SLC16A10: variants seen among roughly 807,000 people sequenced by gnomAD.
SLC16A10 encodes the protein monocarboxylate transporter 10.
A neutral mutation model predicts 40.0 loss-of-function variants in SLC16A10; 27 were observed. The ratio of observed to expected loss-of-function variants is 0.67; its 90% CI spans 0.50 to 0.93. The LOEUF is 0.93. Among genes scored for constraint, SLC16A10 ranks in the 40% least tolerant of loss-of-function variants. The probability of loss-of-function intolerance (pLI) is 0.00; values close to 1 mark genes in which losing one functional copy is unlikely to be tolerated. For synonymous variants in SLC16A10, 213 were observed against 249.8 expected, an observed-to-expected ratio of 0.85 and a Z score of 1.39; for missense variants, 529 against 658.2, an observed-to-expected ratio of 0.80 and a Z score of 2.15.
At chr6:111,161,147 T>C (rs1407897797) in intron 1 of SLC16A10, among the ~76,000 whole-genome samples, 1 of 125,858 alleles carries the variant, frequency 7.9e-6, no homozygotes, top group Non-Finnish European at 1.6e-5. Flanking sequence ...TGCTGGAACC[T>C]GGGAGGCAGA....
intron 1 of SLC16A10, among the ~76,000 whole-genome samples, chr6:111,117,147 G>A (rs1319596247): frequency 2.6e-5 from 4 of 151,826 alleles, no homozygotes; most frequent in Admixed American, 6.6e-5. Context: ...TCAGGAGATC[G>A]AGACCATCCT....
chr6:111,221,023 A>G (rs1473128765), intron 5 of SLC16A10, among the ~76,000 whole-genome samples: 2 of 152,072 alleles, frequency 1.3e-5, no homozygotes, highest in Non-Finnish European at 2.9e-5. Flanking sequence ...TGCAGAATGG[A>G]TGTACACATT....
intron 3 of SLC16A10, among the ~76,000 whole-genome samples, chr6:111,185,058 G>A (rs1465192348): frequency 6.6e-6 from 1 of 152,156 alleles, no homozygotes; most frequent in Non-Finnish European, 1.5e-5. Flanking sequence ...TTCCTCAGAG[G>A]GAGATTCATG....
chr6:111,088,153 CAT>C, intron 1 of SLC16A10, 58 bp downstream of exon 1: 1 of 1,536,722 alleles, frequency 6.5e-7, no homozygotes, highest in Non-Finnish European at 8.8e-7. Flanking sequence ...CCCCCGAGCG[CAT>C]CCCGCGTGTG....
At chr6:111,145,057 T>G (rs1026141028) in intron 1 of SLC16A10, among the ~76,000 whole-genome samples, 3 of 151,794 alleles carry the variant, frequency 2.0e-5, no homozygotes, top group Admixed American at 6.6e-5. Flanking sequence ...GGTCTTGAAC[T>G]CCTGGGCTCA....
At chr6:111,118,653 C>G (rs765888478) in intron 1 of SLC16A10, among the ~76,000 whole-genome samples, 1 of 147,038 alleles carries the variant, frequency 6.8e-6, no homozygotes, top group Non-Finnish European at 1.5e-5. Flanking sequence ...TGCACCCCAG[C>G]CTGGCAACAG....
chr6:111,088,110 C>T lies in SLC16A10; in HGVS notation c.343+15C>T. On this transcript the variant is annotated intron_variant, in intron 1 of 5. Transcript: ENST00000368851. ...CTTTAAGACAGGTGAGGCGCGGCGCCCGCCGAGGCCAGCCTGGGCGACCCG... is the reference window on the plus strand; with the variant it reads ...CTTTAAGACAGGTGAGGCGCGGCGCTCGCCGAGGCCAGCCTGGGCGACCCG... 1.3e-6 allele frequency: 2 copies of T among 1,589,636 alleles called. No individual in the cohort carries two copies. Among genetic ancestry groups the T allele is most frequent in the East Asian group, 2.4e-5 (1 of 42,022 alleles).
intron 1 of SLC16A10, among the ~76,000 whole-genome samples, chr6:111,146,008 A>G (rs1165890870): frequency 1.3e-5 from 2 of 152,260 alleles, no homozygotes; most frequent in Non-Finnish European, 1.5e-5. Context: ...GCACACCAAG[A>G]AAGTGAAAAG....
chr6:111,170,684 G>A (rs1772569727), intron 1 of SLC16A10, among the ~76,000 whole-genome samples: 1 of 152,094 alleles, frequency 6.6e-6, no homozygotes, highest in Admixed American at 6.5e-5. Flanking sequence ...CCTGACCTCA[G>A]GTGATCAGCC....
intron 1 of SLC16A10, among the ~76,000 whole-genome samples, chr6:111,166,109 A>G (rs1772468687): frequency 6.6e-6 from 1 of 152,230 alleles, no homozygotes; most frequent in Non-Finnish European, 1.5e-5. Flanking sequence ...CACAAAGCAT[A>G]GCAGATTGGC....
At chr6:111,217,118 G>A (rs1773438223) in intron 4 of SLC16A10, among the ~76,000 whole-genome samples, 4 of 152,186 alleles carry the variant, frequency 2.6e-5, no homozygotes, top group South Asian at 2.1e-4. Flanking sequence ...CTATTGGAGG[G>A]CACCCTCCAG....
chr6:111,158,009 G>T (rs1299792660), intron 1 of SLC16A10, among the ~76,000 whole-genome samples: 1 of 151,868 alleles, frequency 6.6e-6, no homozygotes, highest in East Asian at 1.9e-4. Flanking sequence ...ATCATGAAAT[G>T]CTATCAGCAT....
In SLC16A10 at chr6:111,226,577, G is replaced by T. The variant is rs1049620796; in HGVS notation, c.*4342G>T. ...CAACTTTTACATTAGGTCAAAGATT[G>T]TTGCTTTTCCAGTGTGTTGTCTTAA... On this transcript the variant is annotated 3_prime_UTR_variant, in exon 6 of 6. Coordinates refer to ENST00000368851, the MANE Select transcript of SLC16A10 (RefSeq NM_018593.5). 2.0e-5 allele frequency: 3 copies of T among 152,158 alleles called. No homozygotes were observed. Among genetic ancestry groups the T allele is most frequent in the African/African-American group, 7.2e-5 (3 of 41,424 alleles). 9.4% of individuals were successfully genotyped at this position (152,158 alleles called of 1,614,324 possible). A position where few individuals can be genotyped will look rare whatever the true frequency, so the allele number is the denominator to read the frequency against.
chr6:111,212,296 T>C lies in SLC16A10; in HGVS notation c.1086+5561T>C, dbSNP rs553989980. Among the ~76,000 whole-genome samples, 88 of 152,352 alleles carry C rather than the reference T, an allele frequency of 5.8e-4. No homozygotes were observed. The South Asian group carries it at 9.5e-3, about 16-fold the overall frequency. ...TTAATAAATCCTTGCATCTGTTATG[T>C]TTTAATATCTTATTAAATACTGAAA... is the stretch of plus-strand genomic sequence containing the variant. On this transcript the variant is annotated intron_variant, in intron 4 of 5. Transcript: ENST00000368851.
rs1771086624 is a variant in SLC16A10, at chr6:111,230,169, G to A, written c.*7934G>A. The A allele has an allele frequency of 6.6e-6, 1 of 151,672 alleles. No homozygotes were observed. Among genetic ancestry groups the A allele is most frequent in the Non-Finnish European group, 1.5e-5 (1 of 67,966 alleles). The allele number at this position is 151,672 out of a possible 1,614,324, so 9.4% of individuals were successfully genotyped here. A position where few individuals can be genotyped will look rare whatever the true frequency, so the allele number is the denominator to read the frequency against. ...ACACCGGCTAATTTTTGTATTTTTG[G>A]TAGAGATGGAGTTTCACCATGTTGG... On this transcript the variant is annotated 3_prime_UTR_variant, in exon 6 of 6. Transcript: ENST00000368851.
intron 1 of SLC16A10, among the ~76,000 whole-genome samples, chr6:111,167,856 G>T (rs12204075): frequency 0.1 from 15,401 of 151,328 alleles, 1,015 homozygotes; most frequent in Middle Eastern, 0.18. Flanking sequence ...ATTTTTTTTT[G>T]TACAGATGGG....
chr6:111,171,427 G>A (rs72939558), intron 1 of SLC16A10, among the ~76,000 whole-genome samples: 111 of 152,324 alleles, frequency 7.3e-4, no homozygotes, highest in Non-Finnish European at 1.0e-3. Flanking sequence ...CAAGGTGGGA[G>A]GATTGCTGGA....
At chr6:111,098,574 G>T (rs1258546236) in intron 1 of SLC16A10, among the ~76,000 whole-genome samples, 1 of 152,132 alleles carries the variant, frequency 6.6e-6, no homozygotes, top group African/African-American at 2.4e-5. Flanking sequence ...AAAACTACCT[G>T]TTCATTAAAT....
chr6:111,121,072 T>C (rs954338135), intron 1 of SLC16A10, among the ~76,000 whole-genome samples: 1 of 152,256 alleles, frequency 6.6e-6, no homozygotes, highest in African/African-American at 2.4e-5. Flanking sequence ...ATATTTGGAA[T>C]GTTTATTTCC....
Sources: gnomAD v4.1 joint callset for allele counts (sites outside exome capture counted in the v4.1 genomes callset) on GRCh38, gnomAD v4.1.1 for gene constraint, MANE v1.5 for transcripts, NCBI Gene and HGNC (gene_info 2026-07-23, HGNC 2026-07-21) for gene names.